Variants in C10orf88 observed in about 807,000 individuals in gnomAD.
C10orf88 encodes the protein chromosome 10 open reading frame 88, also known as ATPase PAAT.
In C10orf88, 29 loss-of-function variants were observed where a neutral mutation model predicts 34.2. The ratio of observed to expected loss-of-function variants is 0.85; its 90% CI spans 0.63 to 1.16. C10orf88 has a LOEUF of 1.16. Among genes scored for constraint, C10orf88 ranks in the 50% most tolerant of loss-of-function variants. C10orf88 has a pLI of 0.00. For synonymous variants in C10orf88, 194 were observed against 197.4 expected (o/e 0.98, Z 0.15); for missense variants, 507 against 533.2 (o/e 0.95, Z 0.48).
At position 122,954,035 on chromosome 10, in the gene C10orf88, C is replaced by A; in HGVS notation, c.144G>T (p.Leu48=). Residue 48 remains leucine, a synonymous_variant, in exon 1 of 6, where the codon CTG becomes CTT. Transcript: ENST00000481909. ...LGPGDFDWEE[L]LAPPAPGQDL... ...CGCACCCTGGAGCAGGCGGTGCCAG[C>A]AGCTCCTCCCAGTCGAAGTCACCGG... is the stretch of plus-strand genomic sequence containing the variant. The A allele has an allele frequency of 1.3e-6, 2 of 1,530,592 alleles. No homozygotes were observed. Among genetic ancestry groups the A allele is most frequent in the Non-Finnish European group, 1.8e-6 (2 of 1,141,920 alleles). 94.8% of individuals were successfully genotyped at this position (1,530,592 alleles called of 1,614,324 possible). A position where few individuals can be genotyped will look rare whatever the true frequency, so the allele number is the denominator to read the frequency against.
intron 4 of C10orf88, among the ~76,000 whole-genome samples, chr10:122,945,575 T>C (rs1481829119): frequency 6.6e-6 from 1 of 152,084 alleles, no homozygotes; most frequent in Non-Finnish European, 1.5e-5. Context: ...GTGATACTTA[T>C]GATCCTGACC....
Position 122,951,960 on chromosome 10 carries a change from T to C in C10orf88, c.435A>G (p.Lys145=). Residue 145 remains lysine (K), a synonymous_variant, in exon 3 of 6, where the codon AAA becomes AAG. Transcript: ENST00000481909. The part of the protein sequence containing the change: ...LKLESSTHAC[K]IKLLSFGERQ... ...TTTACAACTGACAACTTACCTTTATTTTACAAGCATGTGTGGAGGACTCCA... is the reference window on the plus strand; with the variant it reads ...TTTACAACTGACAACTTACCTTTATCTTACAAGCATGTGTGGAGGACTCCA... The C allele has an allele frequency of 6.5e-7, 1 of 1,542,350 alleles. No homozygotes were observed. Among genetic ancestry groups the C allele is most frequent in the Non-Finnish European group, 8.9e-7 (1 of 1,122,518 alleles).
chr10:122,934,733 A>C (rs1848518526), intron 5 of C10orf88, among the ~76,000 whole-genome samples: 1 of 152,176 alleles, frequency 6.6e-6, no homozygotes, highest in Non-Finnish European at 1.5e-5. Flanking sequence ...AGATATTGCC[A>C]AAATATTTTT....
rs544251664 is a variant in C10orf88, at chr10:122,934,178, T to C, written c.1104-1517A>G. ...CACATCTTATCTACCTATAATCCAA[T>C]ATCAAAACCAGGAAATTGATATTAA... On this transcript the variant is annotated intron_variant, in intron 5 of 5. Coordinates refer to ENST00000481909, the MANE Select transcript of C10orf88 (RefSeq NM_024942.4). Among the ~76,000 whole-genome samples, 14 of 152,302 alleles carry C rather than the reference T, an allele frequency of 9.2e-5. No homozygotes were observed. The South Asian group carries it at 1.9e-3, about 20-fold the overall frequency.
rs1848706388 is a variant in C10orf88, at chr10:122,952,999, G to T, written c.198C>A (p.Asn66Lys). The T allele has an allele frequency of 6.2e-7, 1 of 1,614,140 alleles. No individual in the cohort carries two copies. Among genetic ancestry groups the T allele is most frequent in the Non-Finnish European group, 8.5e-7 (1 of 1,179,996 alleles). ...GGAAGCAGGGGTTTTCATCTTTGTT[G>T]TTGTGGTTTCTCTTCAAAATCACCA... Reference protein sequence around the residue: ...QDLVILKRNHNNKDENPCFLY... With the variant: ...QDLVILKRNHKNKDENPCFLY... Residue 66 changes from asparagine to lysine, a missense_variant, in exon 2 of 6, where the codon AAC becomes AAA. Coordinates refer to ENST00000481909, the MANE Select transcript of C10orf88 (RefSeq NM_024942.4).
chr10:122,945,252 G>T (rs1848628932), intron 4 of C10orf88, among the ~76,000 whole-genome samples: 1 of 151,938 alleles, frequency 6.6e-6, no homozygotes, highest in African/African-American at 2.4e-5. Flanking sequence ...TGGCAATGTT[G>T]GTGTAAACCA....
At chr10:122,943,662 TCAAA>T (rs1589696098) in intron 4 of C10orf88, among the ~76,000 whole-genome samples, 1 of 152,038 alleles carries the variant, frequency 6.6e-6, no homozygotes, top group African/African-American at 2.4e-5. Context: ...TGCAATGAAC[TCAAA>T]CAAATTTACA....
intron 1 of C10orf88, among the ~76,000 whole-genome samples, chr10:122,953,577 G>T (rs1848714452): frequency 6.6e-6 from 1 of 152,100 alleles, no homozygotes; most frequent in African/African-American, 2.4e-5. Flanking sequence ...TAAATCACTG[G>T]GCACCTACTG....
chr10:122,947,041 CAGG>C (rs1241390518), intron 4 of C10orf88, among the ~76,000 whole-genome samples: 2 of 151,926 alleles, frequency 1.3e-5, no homozygotes, highest in African/African-American at 4.8e-5. Context: ...GGGCTTTGCA[CAGG>C]AGAAGGATGA....
chr10:122,948,792 C>T lies in C10orf88; in HGVS notation c.505G>A (p.Val169Ile). 6.2e-7 allele frequency: 1 copy of T among 1,613,876 alleles called. No individual in the cohort carries two copies. Among genetic ancestry groups the T allele is most frequent in the African/African-American group, 1.3e-5 (1 of 75,044 alleles). Residue 169 changes from valine to isoleucine, a missense_variant, in exon 4 of 6, where the codon GTT becomes ATT. Val to Ile is a conservative substitution (Grantham distance 29, BLOSUM62 3). Transcript: ENST00000481909. ...ISKVVVHMRS[V>I]FANSSTSSPA... ...GAGCTTGTTGAAGAATTTGCAAAAA[C>T]TGATCTCATGTGTACCACAACTTTA...
intron 2 of C10orf88, 53 bp from the exon 3 acceptor site, chr10:122,952,079 A>G: frequency 1.5e-6 from 1 of 657,142 alleles, no homozygotes. Context: ...GTCACTTTTA[A>G]TAGTTACACT....
intron 2 of C10orf88, 89 bp downstream of exon 2, chr10:122,952,740 A>G (rs1848702418): frequency 2.7e-6 from 4 of 1,464,114 alleles, no homozygotes; most frequent in Non-Finnish European, 3.8e-6. Context: ...ATATGGTATC[A>G]ATATCAGAGA....
chr10:122,948,577 TA>T, intron 4 of C10orf88, 71 bp downstream of exon 4: 1 of 1,430,080 alleles, frequency 7.0e-7, no homozygotes, highest in Non-Finnish European at 9.7e-7. Flanking sequence ...TTTAAGTCAC[TA>T]CATTTCTTTA....
At chr10:122,953,298 T>C (rs1032944378) in intron 1 of C10orf88, among the ~76,000 whole-genome samples, 1 of 152,052 alleles carries the variant, frequency 6.6e-6, no homozygotes, top group South Asian at 2.1e-4. Flanking sequence ...AGGATGGTCT[T>C]GATCTCCTGA....
At chr10:122,946,294 G>A (rs1390635188) in intron 4 of C10orf88, among the ~76,000 whole-genome samples, 1 of 152,006 alleles carries the variant, frequency 6.6e-6, no homozygotes. Context: ...TCAGTTCATG[G>A]TAAGTGCCCT....
chr10:122,947,202 AT>A (rs1848648436), intron 4 of C10orf88, among the ~76,000 whole-genome samples: 1 of 152,100 alleles, frequency 6.6e-6, no homozygotes, highest in Admixed American at 6.5e-5. Context: ...CTTTTTTGAA[AT>A]TCTTCTTTCT....
At chr10:122,945,049 T>C (rs1490463483) in intron 4 of C10orf88, among the ~76,000 whole-genome samples, 1 of 150,476 alleles carries the variant, frequency 6.6e-6, no homozygotes, top group Non-Finnish European at 1.5e-5. Context: ...TGTATATATA[T>C]ATGTATATAG....
At chr10:122,951,809 A>G in intron 3 of C10orf88, 145 bp downstream of exon 3, 1 of 551,632 alleles carries the variant, frequency 1.8e-6, no homozygotes, top group African/African-American at 2.0e-5. Context: ...CAGCCTGGGC[A>G]ACAGAGCAAG....
At chr10:122,941,481 C>A (rs969371858) in intron 4 of C10orf88, among the ~76,000 whole-genome samples, 2 of 152,208 alleles carry the variant, frequency 1.3e-5, no homozygotes, top group Non-Finnish European at 2.9e-5. Context: ...TCCTTCCTTT[C>A]CCCCAAGAGA....
Sources: allele counts gnomAD v4.1 joint callset (sites outside exome capture counted in the v4.1 genomes callset), GRCh38; gene constraint gnomAD v4.1.1; transcripts MANE v1.5; gene names NCBI Gene and HGNC (gene_info 2026-07-23, HGNC 2026-07-21).